SAMD4A: variants seen among roughly 807,000 people sequenced by gnomAD.
SAMD4A encodes protein Smaug homolog 1.
Under a neutral mutation model 81.3 loss-of-function variants are expected in SAMD4A, and 33 were observed. The observed-to-expected ratio is 0.41, with a 90% CI of 0.31 to 0.54. The LOEUF is 0.54. Among genes scored for constraint, SAMD4A ranks in the 20% least tolerant of loss-of-function variants. SAMD4A has a pLI of 0.37. For missense variants in SAMD4A, 854 were observed against 951.1 expected (o/e 0.90, Z 1.34); for synonymous variants, 389 against 382.1 (o/e 1.02, Z -0.21).
At chr14:54,675,238 C>T (rs545570998) in intron 2 of SAMD4A, among the ~76,000 whole-genome samples, 8 of 151,934 alleles carry the variant, frequency 5.3e-5, no homozygotes, top group Admixed American at 3.3e-4. Context: ...TGGTGGCGGG[C>T]GCCTGTAATC....
intron 6 of SAMD4A, among the ~76,000 whole-genome samples, chr14:54,754,048 C>T (rs934190116): frequency 2.6e-5 from 4 of 152,152 alleles, no homozygotes; most frequent in Non-Finnish European, 5.9e-5. Flanking sequence ...TCTGGAGCAG[C>T]CTTGAGGATT....
chr14:54,764,285 C>T (rs1361882016), intron 7 of SAMD4A, among the ~76,000 whole-genome samples, 170 bp from the exon 8 acceptor site: 2 of 152,202 alleles, frequency 1.3e-5, no homozygotes, highest in African/African-American at 2.4e-5. Context: ...GGTGACCCAG[C>T]CTTTGACTTC....
chr14:54,573,082 T>A (rs1566526975), intron 2 of SAMD4A, among the ~76,000 whole-genome samples: 2 of 152,226 alleles, frequency 1.3e-5, no homozygotes, highest in Non-Finnish European at 2.9e-5. Flanking sequence ...TTTTGCTGAA[T>A]GAAATATTTA....
intron 6 of SAMD4A, among the ~76,000 whole-genome samples, chr14:54,757,445 T>C (rs72713429): frequency 2.7e-5 from 4 of 150,444 alleles, no homozygotes; most frequent in Non-Finnish European, 4.4e-5. Context: ...TTGTTTTGTT[T>C]GGTGTGGTTG....
At chr14:54,659,342 A>G (rs899563070) in intron 2 of SAMD4A, among the ~76,000 whole-genome samples, 3 of 152,134 alleles carry the variant, frequency 2.0e-5, no homozygotes, top group African/African-American at 4.8e-5. Flanking sequence ...TTCCTGAGCA[A>G]TATGCCATCT....
chr14:54,724,012 G>GGAAGGAAGGAC (rs2037339432), intron 3 of SAMD4A, among the ~76,000 whole-genome samples: 1 of 141,600 alleles, frequency 7.1e-6, no homozygotes, highest in East Asian at 2.1e-4. Flanking sequence ...ATGGATGGAA[G>GGAAGGAAGGAC]GAAGGAAGGA....
intron 2 of SAMD4A, among the ~76,000 whole-genome samples, chr14:54,695,260 G>T (rs1306939347): frequency 6.6e-6 from 1 of 152,208 alleles, no homozygotes; most frequent in Non-Finnish European, 1.5e-5. Flanking sequence ...ATTTAGAACA[G>T]CCTGGCTGGG....
chr14:54,786,534 C>G (rs576769245), intron 12 of SAMD4A, among the ~76,000 whole-genome samples: 1 of 152,362 alleles, frequency 6.6e-6, no homozygotes, highest in South Asian at 2.1e-4. Flanking sequence ...CCTGAGCTGG[C>G]ACCTGCCAGA....
intron 4 of SAMD4A, among the ~76,000 whole-genome samples, chr14:54,748,264 A>G (rs986336402): frequency 1.6e-4 from 25 of 152,352 alleles, no homozygotes; most frequent in African/African-American, 5.5e-4. Context: ...CAGGCTAGGA[A>G]TGAGTGACTC....
At chr14:54,707,569 T>C (rs980006471) in intron 3 of SAMD4A, among the ~76,000 whole-genome samples, 1 of 152,120 alleles carries the variant, frequency 6.6e-6, no homozygotes, top group African/African-American at 2.4e-5. Context: ...AATTGTAGTA[T>C]ATAAATAAAG....
At chr14:54,663,591 T>C (rs41333449) in intron 2 of SAMD4A, among the ~76,000 whole-genome samples, 12,583 of 152,230 alleles carry the variant, frequency 0.083, 724 homozygotes, top group African/African-American at 0.16. Context: ...TAGGAGGGGA[T>C]TTATCCAATA....
chr14:54,764,601 A>C, intron 8 of SAMD4A, 61 bp downstream of exon 8: 1 of 1,109,702 alleles, frequency 9.0e-7, no homozygotes, highest in Non-Finnish European at 1.3e-6. Flanking sequence ...TGGTTCTCAG[A>C]GTTTCTGTGA....
At chr14:54,773,156 T>G (rs1594927015) in intron 9 of SAMD4A, among the ~76,000 whole-genome samples, 1 of 152,168 alleles carries the variant, frequency 6.6e-6, no homozygotes, top group Non-Finnish European at 1.5e-5. Context: ...GAATTCTCCT[T>G]CCTGCCACTT....
At chr14:54,785,463 G>A (rs928780006) in intron 12 of SAMD4A, among the ~76,000 whole-genome samples, 1 of 152,226 alleles carries the variant, frequency 6.6e-6, no homozygotes, top group African/African-American at 2.4e-5. Flanking sequence ...AGCTTCCTGG[G>A]AGGCTCTGTG....
intron 2 of SAMD4A, among the ~76,000 whole-genome samples, chr14:54,633,771 T>A (rs1174815301): frequency 6.6e-6 from 1 of 152,182 alleles, no homozygotes; most frequent in Admixed American, 6.5e-5. Flanking sequence ...CTATCCTTTA[T>A]AAAATGAGGA....
intron 2 of SAMD4A, among the ~76,000 whole-genome samples, chr14:54,576,170 G>A (rs1006569271): frequency 2.0e-5 from 3 of 152,010 alleles, no homozygotes; most frequent in Non-Finnish European, 4.4e-5. Flanking sequence ...AATTTCTGAA[G>A]CAGTTTATCC....
chr14:54,661,123 A>T (rs2035634436), intron 2 of SAMD4A, among the ~76,000 whole-genome samples: 1 of 152,212 alleles, frequency 6.6e-6, no homozygotes, highest in Non-Finnish European at 1.5e-5. Context: ...CAATTTCCTT[A>T]TCTGTCAAGC....
At chr14:54,784,189 C>T in intron 11 of SAMD4A, 1 of 640,460 alleles carries the variant, frequency 1.6e-6, no homozygotes, top group Non-Finnish European at 2.8e-6. Flanking sequence ...TATGAGGGTA[C>T]AGAGATAACA....
At chr14:54,757,788 C>T (rs1390759067) in intron 6 of SAMD4A, among the ~76,000 whole-genome samples, 2 of 152,210 alleles carry the variant, frequency 1.3e-5, no homozygotes, top group Admixed American at 6.5e-5. Flanking sequence ...CAGTGTCCCC[C>T]ACAACCCAGG....
Sources: gnomAD v4.1 joint callset for allele counts (sites outside exome capture counted in the v4.1 genomes callset) on GRCh38, gnomAD v4.1.1 for gene constraint, MANE v1.5 for transcripts, NCBI Gene and HGNC (gene_info 2026-07-23, HGNC 2026-07-21) for gene names.